RBFOX1: variants seen among roughly 807,000 people sequenced by gnomAD.
RBFOX1 encodes the protein RNA binding protein fox-1 homolog 1.
A neutral mutation model predicts 57.7 loss-of-function variants in RBFOX1; 8 were observed. The ratio of observed to expected loss-of-function variants is 0.14; its 90% CI spans 0.08 to 0.25. RBFOX1 has a LOEUF of 0.25. Among genes scored for constraint, RBFOX1 ranks in the 10% least tolerant of loss-of-function variants. RBFOX1 has a pLI of 1.00. For synonymous variants in RBFOX1, 326 were observed against 222.4 expected, an observed-to-expected ratio of 1.47 and a Z score of -4.15; for missense variants, 611 against 548.5, an observed-to-expected ratio of 1.11 and a Z score of -1.14.
rs116115120 is a variant in RBFOX1 at position 6,956,244 on chromosome 16, C to G, written c.-15-95813C>G. On this transcript the variant is annotated intron_variant, in intron 3 of 15. Coordinates refer to ENST00000550418, the MANE Select transcript of RBFOX1 (RefSeq NM_018723.4). The stretch of plus-strand genomic sequence containing the variant: ...AGAGAGGCAGAGGAGAAGGACTTTG[C>G]TTTGAAGAGTCAGGCACAAAGAGCT... Among the ~76,000 whole-genome samples, 288 of 152,222 alleles carry G rather than the reference C, an allele frequency of 1.9e-3. 1 individual carries two copies. Among genetic ancestry groups the G allele is most frequent in the African/African-American group, 6.5e-3 (269 of 41,542 alleles).
At chr16:7,364,273 C>G (rs1390798052) in intron 4 of RBFOX1, among the ~76,000 whole-genome samples, 2 of 152,144 alleles carry the variant, frequency 1.3e-5, no homozygotes, top group South Asian at 4.2e-4. Flanking sequence ...AAGACGGAAC[C>G]CTTTGAAGTA....
chr16:6,188,571 A>G (rs1215582964), intron 1 of RBFOX1, among the ~76,000 whole-genome samples: 4 of 152,208 alleles, frequency 2.6e-5, no homozygotes, highest in South Asian at 2.1e-4. Context: ...ATAACAATCA[A>G]TATATTTTGT....
At chr16:5,706,252 G>A (rs914862113) in intron 3 of RBFOX1, among the ~76,000 whole-genome samples, 4 of 152,156 alleles carry the variant, frequency 2.6e-5, no homozygotes, top group South Asian at 2.1e-4. Context: ...AGAACATTCC[G>A]AAAGTTACGA....
chr16:6,534,897 C>T (rs1364180433), intron 2 of RBFOX1, among the ~76,000 whole-genome samples: 2 of 152,104 alleles, frequency 1.3e-5, no homozygotes, highest in South Asian at 2.1e-4. Flanking sequence ...TGAGGCATAT[C>T]CTAGTGGTCA....
chr16:5,929,941 T>C (rs1256920567), intron 4 of RBFOX1, among the ~76,000 whole-genome samples: 1 of 151,618 alleles, frequency 6.6e-6, no homozygotes, highest in Non-Finnish European at 1.5e-5. Flanking sequence ...AGATGTGCTT[T>C]GAGTGGGGCA....
intron 2 of RBFOX1, among the ~76,000 whole-genome samples, chr16:5,553,716 TATACACATATATA>T (rs2045560348): frequency 6.7e-6 from 1 of 150,350 alleles, no homozygotes; most frequent in Non-Finnish European, 1.5e-5. Context: ...TATGTGTGTA[TATACACATATATA>T]TGTATATATA....
intron 3 of RBFOX1, among the ~76,000 whole-genome samples, chr16:6,914,706 T>C (rs933152424): frequency 2.0e-5 from 3 of 152,186 alleles, no homozygotes; most frequent in African/African-American, 7.2e-5. Context: ...AGATCCCATC[T>C]GTACCAATAA....
chr16:6,700,860 G>A (rs2061711693), intron 3 of RBFOX1, among the ~76,000 whole-genome samples: 1 of 152,076 alleles, frequency 6.6e-6, no homozygotes, highest in South Asian at 2.1e-4. Flanking sequence ...CTTGCACTAG[G>A]AGTGTTTTTA....
chr16:6,811,184 GA>G (rs1442241992), intron 3 of RBFOX1, among the ~76,000 whole-genome samples: 1 of 152,138 alleles, frequency 6.6e-6, no homozygotes, highest in African/African-American at 2.4e-5. Context: ...TGAGAGTTTG[GA>G]AAATAATTGA....
At chr16:7,062,399 A>G (rs1050101709) in intron 4 of RBFOX1, among the ~76,000 whole-genome samples, 3 of 151,828 alleles carry the variant, frequency 2.0e-5, no homozygotes, top group African/African-American at 4.8e-5. Flanking sequence ...CTTCATGGCC[A>G]TAGTTAAACC....
chr16:6,897,591 T>A (rs12929131), intron 3 of RBFOX1, among the ~76,000 whole-genome samples: 1 of 152,010 alleles, frequency 6.6e-6, no homozygotes, highest in Non-Finnish European at 1.5e-5. Context: ...GTCAGGAGTT[T>A]GACCAGTCTG....
intron 2 of RBFOX1, among the ~76,000 whole-genome samples, chr16:6,562,440 T>C (rs1279684756): frequency 3.3e-5 from 5 of 152,258 alleles, no homozygotes; most frequent in African/African-American, 4.8e-5. Context: ...CTTTTGTCTA[T>C]GATCACTGTG....
intron 3 of RBFOX1, among the ~76,000 whole-genome samples, chr16:6,825,862 T>C (rs557067775): frequency 5.2e-4 from 79 of 152,324 alleles, no homozygotes; most frequent in African/African-American, 1.8e-3. Context: ...ATGAATATCC[T>C]TGGGGAGCCT....
rs528487868 is a variant in RBFOX1 at position 6,291,647 on chromosome 16, C to T, written c.-126-25348C>T. On this transcript the variant is annotated intron_variant, in intron 1 of 15. Transcript: ENST00000550418. The stretch of plus-strand genomic sequence containing the variant: ...ATGCATATCCAATGGCATCCTTTGC[C>T]GTATTGTCTACATTATCTTATGTAA... Among the ~76,000 whole-genome samples, 7 of 152,210 alleles carry T rather than the reference C, an allele frequency of 4.6e-5. No individual in the cohort carries two copies. In the Middle Eastern group the frequency reaches 0.014, roughly 296 times the overall value.
At chr16:6,377,793 C>T (rs980987430) in intron 2 of RBFOX1, among the ~76,000 whole-genome samples, 24 of 152,116 alleles carry the variant, frequency 1.6e-4, no homozygotes, top group Admixed American at 1.1e-3. Context: ...TAGATAGAGG[C>T]GGTAATGGAG....
intron 3 of RBFOX1, among the ~76,000 whole-genome samples, chr16:6,977,110 T>C (rs941086597): frequency 5.6e-5 from 8 of 142,142 alleles, no homozygotes; most frequent in Non-Finnish European, 1.2e-4. Flanking sequence ...ATCATATATA[T>C]GATCTATATT....
chr16:7,311,561 A>G (rs1204129083), intron 4 of RBFOX1, among the ~76,000 whole-genome samples: 2 of 151,170 alleles, frequency 1.3e-5, no homozygotes, highest in Non-Finnish European at 2.9e-5. Flanking sequence ...AACAGTAACA[A>G]ACATCCCCGG....
rs1032213608 is a variant in RBFOX1, at chr16:6,407,191, A to G, written c.-64+90134A>G. Among the ~76,000 whole-genome samples, 6 of 152,110 alleles carry G rather than the reference A, an allele frequency of 3.9e-5. 1 individual carries two copies. Among genetic ancestry groups the G allele is most frequent in the East Asian group, 3.8e-4 (2 of 5,200 alleles). ...TATCTATCTATATGTCTATATGTCT[A>G]TACATCTATAACTATATTTATATAC... On this transcript the variant is annotated intron_variant, in intron 2 of 15. Transcript: ENST00000550418.
chr16:7,615,525 C>G (rs2141733844), intron 10 of RBFOX1, among the ~76,000 whole-genome samples: 1 of 152,104 alleles, frequency 6.6e-6, no homozygotes, highest in East Asian at 1.9e-4. Flanking sequence ...GGTGCTGACT[C>G]TGAAAGTTAA....
Sources: gnomAD v4.1 joint callset for allele counts (sites outside exome capture counted in the v4.1 genomes callset) on GRCh38, gnomAD v4.1.1 for gene constraint, MANE v1.5 for transcripts, NCBI Gene and HGNC (gene_info 2026-07-23, HGNC 2026-07-21) for gene names.